The following RALGPS2 variants were observed in gnomAD, a reference collection of about 807,000 sequenced individuals.
RALGPS2 encodes Ral GEF with PH domain and SH3 binding motif 2, also known as ras-specific guanine nucleotide-releasing factor RalGPS2.
In RALGPS2, 43 loss-of-function variants were observed where a neutral mutation model predicts 86.8. The observed-to-expected ratio is 0.50, with a 90% confidence interval of 0.39 to 0.64. RALGPS2 has a LOEUF of 0.64. Ranked by LOEUF, RALGPS2 falls within the 30% of genes least tolerant of loss-of-function variation. The pLI, the probability that RALGPS2 is intolerant of heterozygous loss-of-function variation, is 0.00. For synonymous variants in RALGPS2, 243 were observed against 231.3 expected, an observed-to-expected ratio of 1.05 and a Z score of -0.46; for missense variants, 536 against 694.6, an observed-to-expected ratio of 0.77 and a Z score of 2.57.
At position 178,850,453 on chromosome 1, in the gene RALGPS2, T is replaced by G. The variant is rs532893227; in HGVS notation, c.607+16903T>G. ...AAGATAACACTGAAAAATTCATTCATAGATTTGTCTTTATAAATTGACCAT... is the reference window on the plus strand; with the variant it reads ...AAGATAACACTGAAAAATTCATTCAGAGATTTGTCTTTATAAATTGACCAT... On this transcript the variant is annotated intron_variant, in intron 8 of 19. Coordinates refer to ENST00000367635, the MANE Select transcript of RALGPS2 (RefSeq NM_152663.5). The G allele has an allele frequency of 2.0e-5, 3 of 152,348 alleles. No homozygotes were observed. In the South Asian group the frequency reaches 6.2e-4, roughly 32 times the overall value. 9.4% of individuals were successfully genotyped at this position (152,348 alleles called of 1,614,324 possible). A position where few individuals can be genotyped will look rare whatever the true frequency, so the allele number is the denominator to read the frequency against.
chr1:178,860,219 C>A lies in RALGPS2; in HGVS notation c.608-17279C>A, dbSNP rs1657905454. ...ATAAAAGACTAACCCAAAATGCAGG[C>A]ACCAAATAACATTAATAGTTAAGAA... On this transcript the variant is annotated intron_variant, in intron 8 of 19. Coordinates refer to ENST00000367635, the MANE Select transcript of RALGPS2 (RefSeq NM_152663.5). Among the ~76,000 whole-genome samples the A allele has an allele frequency of 4.6e-5, 7 of 152,134 alleles. No homozygotes were observed. In the South Asian group the frequency reaches 1.5e-3, roughly 32 times the overall value.
chr1:178,728,387 T>C (rs2101996124), intron 1 of RALGPS2, among the ~76,000 whole-genome samples: 1 of 143,020 alleles, frequency 7.0e-6, no homozygotes, highest in East Asian at 2.1e-4. Context: ...TAAACCCATT[T>C]TCTCCGAAAG....
intron 8 of RALGPS2, among the ~76,000 whole-genome samples, chr1:178,846,514 T>C (rs1656874012): frequency 6.6e-6 from 1 of 152,148 alleles, no homozygotes; most frequent in Non-Finnish European, 1.5e-5. Context: ...CATTTATATA[T>C]TTTTTTACCC....
rs1486238202 is a variant in RALGPS2, at chr1:178,883,518, A to G, written c.889A>G (p.Arg297Gly). ...GTSTPRSAASREDLVGPEVGA... is the reference protein window; with the variant it reads ...GTSTPRSAASGEDLVGPEVGA... Reference sequence around the variant, plus strand: ...AAGCACCCCACGTTCTGCTGCTTCCAGAGAAGATTTAGTAGGTCAGTACGT... The same window carrying G: ...AAGCACCCCACGTTCTGCTGCTTCCGGAGAAGATTTAGTAGGTCAGTACGT... Residue 297 changes from arginine to glycine, a missense_variant, in exon 11 of 20, where the codon AGA becomes GGA. Coordinates refer to ENST00000367635, the MANE Select transcript of RALGPS2 (RefSeq NM_152663.5). 5 of 1,612,884 alleles carry G rather than the reference A, an allele frequency of 3.1e-6. No individual in the cohort carries two copies. Among genetic ancestry groups the G allele is most frequent in the Non-Finnish European group, 3.4e-6 (4 of 1,178,886 alleles).
rs1484213499 is a variant in RALGPS2 at position 178,778,075 on chromosome 1, G to C, written c.57+1254G>C. Among the ~76,000 whole-genome samples, 96 of 131,330 alleles carry C rather than the reference G, an allele frequency of 7.3e-4. 2 individuals are homozygous for C. Among genetic ancestry groups the C allele is most frequent in the Middle Eastern group, 3.7e-3 (1 of 268 alleles). 86.2% of individuals were successfully genotyped at this position (131,330 alleles called of 152,430 possible). A position where few individuals can be genotyped will look rare whatever the true frequency, so the allele number is the denominator to read the frequency against. On this transcript the variant is annotated intron_variant, in intron 2 of 19. Coordinates refer to ENST00000367635, the MANE Select transcript of RALGPS2 (RefSeq NM_152663.5). ...AATTAAACTAAAGAGCTTCTGCACA[G>C]CAAAAGAAACTACCATCAGAGTGAA...
intron 8 of RALGPS2, among the ~76,000 whole-genome samples, chr1:178,835,644 C>T (rs898021066): frequency 1.1e-4 from 16 of 152,156 alleles, no homozygotes; most frequent in African/African-American, 3.1e-4. Flanking sequence ...CCGCCCACCT[C>T]AGCCTCCCAA....
At chr1:178,793,602 G>A (rs1283325858) in intron 4 of RALGPS2, among the ~76,000 whole-genome samples, 2 of 151,796 alleles carry the variant, frequency 1.3e-5, no homozygotes, top group Non-Finnish European at 2.9e-5. Context: ...TACAGATTGG[G>A]GTCTGTCATC....
chr1:178,745,822 C>CTTTTTTTTTTTTTTTTTTTTTTTTTT (rs34277622), intron 1 of RALGPS2, among the ~76,000 whole-genome samples: 3 of 86,052 alleles, frequency 3.5e-5, no homozygotes, highest in African/African-American at 4.0e-5. Context: ...TTCAATTCTT[C>CTTTTTTTTTTTTTTTTTTTTTTTTTT]TTTTTTTTTT....
At chr1:178,884,846 G>A (rs980475937) in intron 11 of RALGPS2, among the ~76,000 whole-genome samples, 1 of 152,166 alleles carries the variant, frequency 6.6e-6, no homozygotes, top group Admixed American at 6.5e-5. Flanking sequence ...TATGTAAATG[G>A]AGAAAATATT....
At chr1:178,761,315 G>A (rs1652228427) in intron 1 of RALGPS2, among the ~76,000 whole-genome samples, 1 of 151,880 alleles carries the variant, frequency 6.6e-6, no homozygotes, top group African/African-American at 2.4e-5. Context: ...TGCTGTCCCA[G>A]CTATTCGGGA....
At chr1:178,765,001 C>T (rs1652426883) in intron 1 of RALGPS2, among the ~76,000 whole-genome samples, 1 of 152,112 alleles carries the variant, frequency 6.6e-6, no homozygotes, top group South Asian at 2.1e-4. Context: ...TGCTCTCTCT[C>T]TCCTGCTGGC....
At chr1:178,904,109 T>C (rs1247862754) in intron 18 of RALGPS2, among the ~76,000 whole-genome samples, 1 of 152,196 alleles carries the variant, frequency 6.6e-6, no homozygotes, top group African/African-American at 2.4e-5. Flanking sequence ...ATTAGTGATA[T>C]GGAGCATTTT....
At chr1:178,802,226 AAAG>A (rs1490620687) in intron 4 of RALGPS2, among the ~76,000 whole-genome samples, 7 of 152,118 alleles carry the variant, frequency 4.6e-5, no homozygotes, top group African/African-American at 1.7e-4. Flanking sequence ...AAGCTAGAAA[AAAG>A]AAAATGTTAT....
At chr1:178,741,656 CAAT>C (rs1434417215) in intron 1 of RALGPS2, among the ~76,000 whole-genome samples, 4 of 151,706 alleles carry the variant, frequency 2.6e-5, no homozygotes, top group Non-Finnish European at 4.4e-5. Flanking sequence ...TCCTGTGAAA[CAAT>C]GAGTTGTAGC....
chr1:178,819,327 C>T (rs1655388283), intron 6 of RALGPS2, among the ~76,000 whole-genome samples: 1 of 152,076 alleles, frequency 6.6e-6, no homozygotes, highest in Non-Finnish European at 1.5e-5. Context: ...GTTATTTGGG[C>T]TGCAAACCTC....
chr1:178,824,576 A>G (rs1173195401), intron 7 of RALGPS2, among the ~76,000 whole-genome samples: 1 of 152,124 alleles, frequency 6.6e-6, no homozygotes, highest in East Asian at 1.9e-4. Flanking sequence ...TGGGAGGCCA[A>G]GTCGGGCGGA....
intron 4 of RALGPS2, among the ~76,000 whole-genome samples, chr1:178,797,471 A>G (rs1007291717): frequency 1.3e-5 from 2 of 152,140 alleles, no homozygotes; most frequent in African/African-American, 2.4e-5. Context: ...TTAGCTTCAT[A>G]ATTCATTATG....
In RALGPS2 at chr1:178,917,175, T is replaced by C. The variant is rs1660843877; in HGVS notation, c.*816T>C. ...GTTAAAGTTTAGCTTTCTATATGAA[T>C]TCATTGTTGGACCACAGATCTGCTT... On this transcript the variant is annotated 3_prime_UTR_variant, in exon 20 of 20. Transcript: ENST00000367635. 6.6e-6 allele frequency: 1 copy of C among 152,192 alleles called. No individual in the cohort carries two copies. The allele number at this position is 152,192 out of a possible 1,614,324, so 9.4% of individuals were successfully genotyped here. A position where few individuals can be genotyped will look rare whatever the true frequency, so the allele number is the denominator to read the frequency against.
At chr1:178,750,767 T>C (rs1018654244) in intron 1 of RALGPS2, among the ~76,000 whole-genome samples, 15 of 152,228 alleles carry the variant, frequency 9.9e-5, no homozygotes, top group Non-Finnish European at 1.9e-4. Flanking sequence ...TGTCCGCATA[T>C]GTTACCTAAG....
Sources: allele counts gnomAD v4.1 joint callset (sites outside exome capture counted in the v4.1 genomes callset), GRCh38; gene constraint gnomAD v4.1.1; transcripts MANE v1.5; gene names NCBI Gene and HGNC (gene_info 2026-07-23, HGNC 2026-07-21).